The following PPP1R1C variants were observed in gnomAD, a reference collection of about 807,000 sequenced individuals.
PPP1R1C encodes protein phosphatase 1 regulatory subunit 1C.
PPP1R1C carries 15 observed loss-of-function variants against 17.4 expected under a neutral mutation model. The observed-to-expected ratio is 0.86, with a 90% CI of 0.58 to 1.33. The LOEUF is 1.33. Ranked by LOEUF, PPP1R1C falls within the 40% of genes most tolerant of loss-of-function variation. The pLI, the probability that PPP1R1C is intolerant of heterozygous loss-of-function variation, is 0.00. For missense variants in PPP1R1C, 143 were observed against 130.0 expected (o/e 1.10, Z -0.48); for synonymous variants, 35 against 43.1 (o/e 0.81, Z 0.73).
upstream of PPP1R1C, chr2:181,985,851 G>A (rs139407535): frequency 1.2e-4 from 63 of 530,190 alleles, no homozygotes; most frequent in East Asian, 3.1e-4. The surrounding 1 kb of genome is among the most constrained non-coding windows in gnomAD (Gnocchi z 4.1). Flanking sequence ...CACAATTAGC[G>A]TATTGTTCCT....
chr2:182,045,077 C>T (rs1307381637), intron 2 of PPP1R1C, among the ~76,000 whole-genome samples: 3 of 152,118 alleles, frequency 2.0e-5, no homozygotes, highest in Non-Finnish European at 4.4e-5. Flanking sequence ...ACAGTTCTTC[C>T]ATATAGCTAC....
chr2:182,006,311 A>C (rs1239431316), intron 2 of PPP1R1C, among the ~76,000 whole-genome samples: 1 of 152,150 alleles, frequency 6.6e-6, no homozygotes, highest in Non-Finnish European at 1.5e-5. Context: ...CTTCACTAGA[A>C]CCTTTGAAGA....
At chr2:182,011,940 T>C (rs1052927131) in intron 2 of PPP1R1C, among the ~76,000 whole-genome samples, 1 of 152,050 alleles carries the variant, frequency 6.6e-6, no homozygotes, top group Admixed American at 6.5e-5. Context: ...GTTTCTCTTC[T>C]TATTGATTTT....
At chr2:181,963,569 C>T (rs537461862) in intron 1 of PPP1R1C, among the ~76,000 whole-genome samples, 10 of 152,162 alleles carry the variant, frequency 6.6e-5, no homozygotes, top group African/African-American at 1.9e-4. Context: ...AACTGGGACC[C>T]GGGAGGCAGA....
intron 4 of PPP1R1C, among the ~76,000 whole-genome samples, chr2:182,115,819 A>G (rs946497677): frequency 3.3e-5 from 5 of 152,220 alleles, no homozygotes; most frequent in Admixed American, 6.6e-5. Flanking sequence ...ACAGCCGTAC[A>G]TGCAAACTTA....
chr2:181,957,846 T>A lies in PPP1R1C; in HGVS notation n.111+3212T>A, dbSNP rs375173415. Among the ~76,000 whole-genome samples, 1 of 152,218 alleles carries A rather than the reference T, an allele frequency of 6.6e-6. No individual in the cohort carries two copies. The highest frequency in any genetic ancestry group is 2.1e-4 in the South Asian group (1 of 4,834). On this transcript the variant is annotated intron_variant and non_coding_transcript_variant, in intron 1 of 5. Transcript: ENST00000464264. The surrounding 1 kb of genome is among the most constrained non-coding windows in gnomAD (Gnocchi z 4.2). ...TCTTGTTGGATGACTGCATTGCTAA[T>A]CTTGCCATTGCATTTCGCTAAAGTG... is the stretch of plus-strand genomic sequence containing the variant.
At chr2:181,969,616 C>T (rs534245431) in intron 1 of PPP1R1C, among the ~76,000 whole-genome samples, 1 of 152,224 alleles carries the variant, frequency 6.6e-6, no homozygotes, top group East Asian at 1.9e-4. Flanking sequence ...CTTGGTGTTG[C>T]ATAACCTTCT....
chr2:181,984,214 T>C (rs1426748231), upstream of PPP1R1C, among the ~76,000 whole-genome samples: 9 of 152,308 alleles, frequency 5.9e-5, no homozygotes, highest in East Asian at 1.9e-4. Context: ...TTTTCAGGAA[T>C]TGAGTAATCT....
At position 182,112,198 on chromosome 2, in the gene PPP1R1C, A is replaced by G. The variant is rs1689459440; in HGVS notation, c.242-5009A>G. 2.6e-5 allele frequency among the ~76,000 whole-genome samples: 4 copies of G among 152,212 alleles called. No homozygotes were observed. In the South Asian group the frequency reaches 8.3e-4, roughly 32 times the overall value. ...GTAGGGGCTTTATTATATTTAACAC[A>G]TACTGCTTGATGACTATGTCTCATC... On this transcript the variant is annotated intron_variant, in intron 4 of 4. Coordinates refer to ENST00000682840, the MANE Select transcript of PPP1R1C (RefSeq NM_001080545.3).
intron 2 of PPP1R1C, among the ~76,000 whole-genome samples, chr2:182,058,377 T>A (rs1374310421): frequency 1.3e-5 from 2 of 152,068 alleles, no homozygotes; most frequent in Non-Finnish European, 2.9e-5. Context: ...TAAAGTCTCG[T>A]CTTCATAGCA....
At chr2:182,129,150 A>G (rs1186004341) in exon 6 of PPP1R1C, 1 of 152,104 alleles carries the variant, frequency 6.6e-6, no homozygotes, top group African/African-American at 2.4e-5. Flanking sequence ...AAGTATTGAC[A>G]TGTTTTTCAG....
intron 2 of PPP1R1C, among the ~76,000 whole-genome samples, chr2:182,029,325 T>C (rs1205324036): frequency 1.3e-5 from 2 of 152,226 alleles, no homozygotes; most frequent in Non-Finnish European, 2.9e-5. Context: ...CTTTACATTT[T>C]GGCATGATTT....
chr2:182,016,046 C>T (rs1043996064), intron 2 of PPP1R1C, among the ~76,000 whole-genome samples: 1 of 152,102 alleles, frequency 6.6e-6, no homozygotes, highest in South Asian at 2.1e-4. Context: ...TACTTAGGAC[C>T]CCAGAGTGCT....
At chr2:181,993,089 G>A (rs1685512778) in intron 2 of PPP1R1C, among the ~76,000 whole-genome samples, 1 of 152,128 alleles carries the variant, frequency 6.6e-6, no homozygotes, top group Non-Finnish European at 1.5e-5. Context: ...GGATTCCTGA[G>A]ACACTGGATG....
At chr2:182,102,610 G>C (rs1233411166) in intron 4 of PPP1R1C, among the ~76,000 whole-genome samples, 1 of 152,144 alleles carries the variant, frequency 6.6e-6, no homozygotes, top group Non-Finnish European at 1.5e-5. Context: ...ATGGACACAA[G>C]TTCAGGATAC....
chr2:182,035,986 T>C (rs1033691805), intron 2 of PPP1R1C, among the ~76,000 whole-genome samples: 1 of 150,448 alleles, frequency 6.6e-6, no homozygotes, highest in Non-Finnish European at 1.5e-5. Context: ...TCATTGTGTG[T>C]TTATACACAC....
At chr2:182,086,217 A>T (rs1235976049) in intron 4 of PPP1R1C, among the ~76,000 whole-genome samples, 20 of 152,128 alleles carry the variant, frequency 1.3e-4, no homozygotes. Context: ...GTCACAAGTT[A>T]AGCTGTCATA....
Position 181,963,556 on chromosome 2 carries a change from T to C in PPP1R1C, n.111+8922T>C, listed in dbSNP as rs1261422436. Among the ~76,000 whole-genome samples the C allele has an allele frequency of 1.2e-4, 19 of 152,252 alleles. No individual in the cohort carries two copies. In the East Asian group the frequency reaches 1.7e-3, roughly 14 times the overall value. ...CAGGAGGCTGCAGCAGGAGAATTGCTTCAACTGGGACCCGGGAGGCAGAGG... is the reference window on the plus strand; with the variant it reads ...CAGGAGGCTGCAGCAGGAGAATTGCCTCAACTGGGACCCGGGAGGCAGAGG... On this transcript the variant is annotated intron_variant and non_coding_transcript_variant, in intron 1 of 5. Transcript: ENST00000464264.
At chr2:182,001,297 A>G (rs1685759879) in intron 2 of PPP1R1C, among the ~76,000 whole-genome samples, 1 of 152,186 alleles carries the variant, frequency 6.6e-6, no homozygotes, top group African/African-American at 2.4e-5. Flanking sequence ...ATTTTGCATA[A>G]TAATGATTTT....
Sources: gnomAD v4.1 joint callset for allele counts (sites outside exome capture counted in the v4.1 genomes callset) on GRCh38, gnomAD v4.1.1 for gene constraint, Gnocchi (gnomAD v3.1) non-coding constraint, MANE v1.5 for transcripts, NCBI Gene and HGNC (gene_info 2026-07-23, HGNC 2026-07-21) for gene names.